EPHA6: variants seen among roughly 807,000 people sequenced by gnomAD.
EPHA6 encodes the protein ephrin type-A receptor 6.
In EPHA6, 50 loss-of-function variants were observed where a neutral mutation model predicts 112.0. The ratio of observed to expected loss-of-function variants is 0.45; its 90% CI spans 0.36 to 0.56. The LOEUF (loss-of-function observed/expected upper bound fraction) is 0.56, where lower values mean the gene tolerates loss of function less well. Among genes scored for constraint, EPHA6 ranks in the 20% least tolerant of loss-of-function variants. The pLI, the probability that EPHA6 is intolerant of heterozygous loss-of-function variation, is 0.00. For synonymous variants in EPHA6, 529 were observed against 490.7 expected, an observed-to-expected ratio of 1.08 and a Z score of -1.03; for missense variants, 1,280 against 1,417.4, an observed-to-expected ratio of 0.90 and a Z score of 1.56.
intron 3 of EPHA6, among the ~76,000 whole-genome samples, chr3:97,216,551 T>C (rs1294433555): frequency 6.6e-6 from 1 of 152,226 alleles, no homozygotes; most frequent in Non-Finnish European, 1.5e-5. Flanking sequence ...TTCAGGGGGA[T>C]AGGCCCCTTT....
At chr3:97,275,059 C>T (rs528202895) in intron 5 of EPHA6, among the ~76,000 whole-genome samples, 2 of 152,132 alleles carry the variant, frequency 1.3e-5, no homozygotes, top group African/African-American at 2.4e-5. Flanking sequence ...CACCGGCAGC[C>T]GCTGAACGCA....
At chr3:97,252,363 G>T (rs867627479) in intron 5 of EPHA6, among the ~76,000 whole-genome samples, 1 of 152,046 alleles carries the variant, frequency 6.6e-6, no homozygotes, top group African/African-American at 2.4e-5. Flanking sequence ...ACCTGCTTGC[G>T]TTAAGACATG....
At chr3:97,006,238 A>G (rs912974446) in intron 3 of EPHA6, among the ~76,000 whole-genome samples, 1 of 152,150 alleles carries the variant, frequency 6.6e-6, no homozygotes, top group Non-Finnish European at 1.5e-5. Context: ...CTGTGAATCC[A>G]TCTAGTCCTG....
chr3:97,747,478 G>A lies in EPHA6; in HGVS notation c.3184G>A (p.Asp1062Asn), dbSNP rs1354598294. The change falls in exon 17 of 18, where the codon GAC (aspartate) becomes AAC (asparagine). Residue 1062 changes from aspartate to asparagine, a missense_variant. This residue lies in a region of EPHA6 where 145 missense variants were observed against 153.3 expected (regional missense o/e 0.95). Coordinates refer to ENST00000389672, the MANE Select transcript of EPHA6 (RefSeq NM_001080448.3). ...ATATCCTTTGTTTGTCACAGTTGGT[G>A]ACTGGCTAGATTCTATAAAGATGGG... Reference protein sequence around the residue: ...PEYPLFVTVGDWLDSIKMGQY... With the variant: ...PEYPLFVTVGNWLDSIKMGQY... 1.2e-6 allele frequency: 2 copies of A among 1,606,374 alleles called. No homozygotes were observed. Among genetic ancestry groups the A allele is most frequent in the African/African-American group, 1.3e-5 (1 of 74,738 alleles).
At chr3:97,083,979 A>G in intron 3 of EPHA6, among the ~76,000 whole-genome samples, 1 of 151,170 alleles carries the variant, frequency 6.6e-6, no homozygotes, top group East Asian at 2.0e-4. Flanking sequence ...GAAACATAAC[A>G]AACAGTACAG....
At chr3:97,627,174 T>G (rs2093864788) in intron 13 of EPHA6, among the ~76,000 whole-genome samples, 1 of 151,900 alleles carries the variant, frequency 6.6e-6, no homozygotes. Context: ...TTTATTCATT[T>G]GTTATGCAAA....
intron 5 of EPHA6, among the ~76,000 whole-genome samples, chr3:97,264,834 C>T (rs1005377452): frequency 3.3e-5 from 5 of 152,148 alleles, no homozygotes; most frequent in Non-Finnish European, 5.9e-5. Flanking sequence ...CCTGTCCTAG[C>T]AGGGCTAGGA....
chr3:97,271,027 C>G (rs1439487602), intron 5 of EPHA6, among the ~76,000 whole-genome samples: 1 of 152,122 alleles, frequency 6.6e-6, no homozygotes, highest in Non-Finnish European at 1.5e-5. Context: ...ATTTGGGAAT[C>G]CAGGCACTCA....
chr3:97,197,197 A>G (rs2077463687), intron 3 of EPHA6, among the ~76,000 whole-genome samples: 1 of 152,026 alleles, frequency 6.6e-6, no homozygotes, highest in African/African-American at 2.4e-5. Context: ...GCTGCAAGAT[A>G]AAGTTCCCTT....
chr3:97,346,718 A>G (rs866342183), intron 5 of EPHA6, among the ~76,000 whole-genome samples: 48 of 152,088 alleles, frequency 3.2e-4, no homozygotes, highest in Middle Eastern at 3.4e-3. Flanking sequence ...ACAGCTTCAA[A>G]TGAGGCTGGA....
At chr3:97,418,016 C>T (rs934509452) in intron 6 of EPHA6, among the ~76,000 whole-genome samples, 4 of 151,604 alleles carry the variant, frequency 2.6e-5, no homozygotes, top group African/African-American at 7.3e-5. Flanking sequence ...ACTTTTGATG[C>T]GTTAAAGAAT....
chr3:97,098,513 A>T (rs545809681), intron 3 of EPHA6, among the ~76,000 whole-genome samples: 3 of 151,970 alleles, frequency 2.0e-5, no homozygotes, highest in Admixed American at 6.6e-5. Context: ...AAATAAATTA[A>T]AACAGAAGGA....
chr3:97,617,077 G>A (rs2107486284), intron 13 of EPHA6, among the ~76,000 whole-genome samples: 1 of 152,230 alleles, frequency 6.6e-6, no homozygotes, highest in Non-Finnish European at 1.5e-5. Flanking sequence ...GACTAACAGA[G>A]AACCTTTTAG....
intron 5 of EPHA6, among the ~76,000 whole-genome samples, chr3:97,375,384 T>C (rs1047858119): frequency 6.6e-6 from 1 of 152,168 alleles, no homozygotes; most frequent in Non-Finnish European, 1.5e-5. Flanking sequence ...ACTCTGTAAC[T>C]AAATGGTAAT....
intron 3 of EPHA6, among the ~76,000 whole-genome samples, chr3:97,031,612 C>G (rs1410898480): frequency 1.3e-5 from 2 of 152,032 alleles, no homozygotes; most frequent in African/African-American, 2.4e-5. Context: ...AAAAAACAAA[C>G]AACCCCATCA....
At chr3:97,612,623 ATGCTTT>A (rs2093730070) in intron 13 of EPHA6, 1 of 207,342 alleles carries the variant, frequency 4.8e-6, no homozygotes, top group Non-Finnish European at 1.0e-5. Context: ...AGTGTATTTT[ATGCTTT>A]AAATTTTAAA....
intron 5 of EPHA6, among the ~76,000 whole-genome samples, chr3:97,300,393 T>C (rs2081044814): frequency 6.6e-6 from 1 of 152,176 alleles, no homozygotes; most frequent in African/African-American, 2.4e-5. Context: ...CTTTGTCAGA[T>C]ATTACTCTTG....
intron 6 of EPHA6, among the ~76,000 whole-genome samples, chr3:97,435,483 T>C (rs1335219107): frequency 2.0e-5 from 3 of 152,176 alleles, no homozygotes; most frequent in African/African-American, 7.2e-5. Flanking sequence ...AATGAGTTTT[T>C]TCAGTTATTT....
chr3:97,354,140 T>A (rs776176027), intron 5 of EPHA6, among the ~76,000 whole-genome samples: 4 of 152,122 alleles, frequency 2.6e-5, no homozygotes, highest in Non-Finnish European at 5.9e-5. Context: ...CTGAATTCCC[T>A]TTGAATACCT....
Sources: gnomAD v4.1 joint callset for allele counts (sites outside exome capture counted in the v4.1 genomes callset) on GRCh38, gnomAD v4.1.1 for gene constraint, gnomAD v4.1.1 regional missense constraint, MANE v1.5 for transcripts, NCBI Gene and HGNC (gene_info 2026-07-23, HGNC 2026-07-21) for gene names.